The following PDE4D variants were observed in gnomAD, a reference collection of about 807,000 sequenced individuals.
PDE4D encodes the protein 3',5'-cyclic-AMP phosphodiesterase 4D.
Under a neutral mutation model 87.4 loss-of-function variants are expected in PDE4D, and 24 were observed. The ratio of observed to expected loss-of-function variants is 0.27; its 90% CI spans 0.20 to 0.39. PDE4D has a LOEUF of 0.39. Among genes scored for constraint, PDE4D ranks in the 10% least tolerant of loss-of-function variants. The pLI is 1.00. For synonymous variants in PDE4D, 384 were observed against 383.2 expected (o/e 1.00, Z -0.02); for missense variants, 714 against 1,041.0 (o/e 0.69, Z 4.32).
At chr5:60,150,711 T>C (rs1263186322) in intron 2 of PDE4D, among the ~76,000 whole-genome samples, 1 of 152,164 alleles carries the variant, frequency 6.6e-6, no homozygotes, top group Non-Finnish European at 1.5e-5. Context: ...ACAAGGTCCC[T>C]AAGTACTAGG....
chr5:60,043,657 CTTTTT>C (rs70975361), intron 2 of PDE4D, among the ~76,000 whole-genome samples: 2 of 141,976 alleles, frequency 1.4e-5, no homozygotes, highest in African/African-American at 5.1e-5. Context: ...AAGGAATTTT[CTTTTT>C]TTTTTTTTTA....
At chr5:59,850,626 G>A (rs1308048910) in intron 1 of PDE4D, among the ~76,000 whole-genome samples, 1 of 152,030 alleles carries the variant, frequency 6.6e-6, no homozygotes, top group Non-Finnish European at 1.5e-5. Flanking sequence ...ATAGTTGGGG[G>A]AGGTGAAGGG....
chr5:59,754,930 G>A (rs1027426663), intron 1 of PDE4D, among the ~76,000 whole-genome samples: 1 of 148,702 alleles, frequency 6.7e-6, no homozygotes, highest in African/African-American at 2.5e-5. Flanking sequence ...TCCAAGTTCA[G>A]TGTGTTTACC....
At chr5:59,818,168 TA>T (rs142387785) in intron 1 of PDE4D, among the ~76,000 whole-genome samples, 1,734 of 152,338 alleles carry the variant, frequency 0.011, 9 homozygotes, top group Middle Eastern at 0.024. Context: ...ATTGCTGTTT[TA>T]TCAGCATGTT....
chr5:59,579,246 T>C (rs1401585515), intron 1 of PDE4D, among the ~76,000 whole-genome samples: 1 of 152,202 alleles, frequency 6.6e-6, no homozygotes, highest in Non-Finnish European at 1.5e-5. Flanking sequence ...TTTCTGTGGC[T>C]GTTCTCCAGA....
At chr5:60,506,066 C>T (rs892411319) in intron 1 of PDE4D, among the ~76,000 whole-genome samples, 1 of 152,220 alleles carries the variant, frequency 6.6e-6, no homozygotes, top group Non-Finnish European at 1.5e-5. Flanking sequence ...CCTCTGCATA[C>T]TGTCTGAGAT....
At chr5:59,957,133 T>C (rs1758919679) in intron 3 of PDE4D, among the ~76,000 whole-genome samples, 2 of 152,338 alleles carry the variant, frequency 1.3e-5, no homozygotes, top group African/African-American at 2.4e-5. Flanking sequence ...CTTGAAACTA[T>C]GTCTTTACTG....
At chr5:59,858,608 G>A (rs1020738707) in intron 1 of PDE4D, among the ~76,000 whole-genome samples, 1 of 151,980 alleles carries the variant, frequency 6.6e-6, no homozygotes, top group African/African-American at 2.4e-5. Context: ...ATGGAGATGC[G>A]CCAGCTCACA....
chr5:59,234,625 T>G (rs1306852906), intron 1 of PDE4D, among the ~76,000 whole-genome samples: 1 of 152,206 alleles, frequency 6.6e-6, no homozygotes, highest in African/African-American at 2.4e-5. Flanking sequence ...AGCCTGCTTA[T>G]ATAAAATGAA....
chr5:60,069,723 A>G (rs1321386262), intron 2 of PDE4D, among the ~76,000 whole-genome samples: 1 of 151,976 alleles, frequency 6.6e-6, no homozygotes, highest in Admixed American at 6.6e-5. Flanking sequence ...GTAAAAAATG[A>G]CATTGAGATT....
At chr5:59,408,517 C>A (rs1442289375) in intron 1 of PDE4D, among the ~76,000 whole-genome samples, 1 of 152,204 alleles carries the variant, frequency 6.6e-6, no homozygotes, top group African/African-American at 2.4e-5. Context: ...AAGAATCCCC[C>A]CTGGGGCATT....
intron 1 of PDE4D, among the ~76,000 whole-genome samples, chr5:59,600,798 G>C (rs1270997607): frequency 6.6e-6 from 1 of 152,126 alleles, no homozygotes; most frequent in East Asian, 1.9e-4. Context: ...AACAACAGTT[G>C]TGATAGCACC....
intron 1 of PDE4D, among the ~76,000 whole-genome samples, chr5:59,690,105 A>G (rs1750648866): frequency 6.6e-6 from 1 of 152,190 alleles, no homozygotes; most frequent in Non-Finnish European, 1.5e-5. Flanking sequence ...ATGCTCATAG[A>G]TAGGAAGAAT....
At chr5:59,986,501 T>C (rs1014430757) in intron 3 of PDE4D, 14 of 152,252 alleles carry the variant, frequency 9.2e-5, no homozygotes, top group African/African-American at 3.4e-4. Context: ...CCAAAGCTAA[T>C]TGAATATATC....
chr5:59,603,742 G>T (rs1465494765), intron 1 of PDE4D, among the ~76,000 whole-genome samples: 1 of 151,928 alleles, frequency 6.6e-6, no homozygotes, highest in Non-Finnish European at 1.5e-5. Context: ...ATTACCAGGG[G>T]CTGGGGCAAC....
At chr5:60,348,189 C>T (rs1264454897) in intron 1 of PDE4D, among the ~76,000 whole-genome samples, 1 of 152,100 alleles carries the variant, frequency 6.6e-6, no homozygotes, top group Non-Finnish European at 1.5e-5. Flanking sequence ...AAGTGTTCAA[C>T]ATGTCTTCCC....
intron 1 of PDE4D, chr5:59,586,953 T>C (rs764695623): frequency 7.1e-6 from 7 of 985,434 alleles, no homozygotes; most frequent in Non-Finnish European, 8.4e-6. Flanking sequence ...GACAAAGGCC[T>C]GGGCAGAGGG....
Position 59,249,842 on chromosome 5 carries a change from G to A in PDE4D, c.456-33874C>T, listed in dbSNP as rs182724950. On this transcript the variant is annotated intron_variant, in intron 1 of 14. Coordinates refer to ENST00000340635, the MANE Select transcript of PDE4D (RefSeq NM_001104631.2). ...TTTTTATTTTTTCTATACGTGTGTC[G>A]TATTGTGTGTGTGTGTATATGTGTG... is the stretch of plus-strand genomic sequence containing the variant. 4.2e-4 allele frequency among the ~76,000 whole-genome samples: 64 copies of A among 151,728 alleles called. No homozygotes were observed. The East Asian group carries it at 6.6e-3, about 16-fold the overall frequency.
chr5:59,945,110 C>G (rs911635239), intron 3 of PDE4D, among the ~76,000 whole-genome samples: 4 of 152,054 alleles, frequency 2.6e-5, no homozygotes, highest in Admixed American at 6.6e-5. Context: ...ATTACTTTGC[C>G]AAGTTTTTCT....
Sources: gnomAD v4.1 joint callset for allele counts (sites outside exome capture counted in the v4.1 genomes callset) on GRCh38, gnomAD v4.1.1 for gene constraint, MANE v1.5 for transcripts, NCBI Gene and HGNC (gene_info 2026-07-23, HGNC 2026-07-21) for gene names.